The following TMEM132C variants were observed in gnomAD, a reference collection of about 807,000 sequenced individuals.
The protein encoded by TMEM132C is transmembrane protein 132C, also known as protein phosphatase 1, regulatory subunit 152.
In TMEM132C, 29 loss-of-function variants were observed where a neutral mutation model predicts 61.4. The ratio of observed to expected loss-of-function variants is 0.47; its 90% CI spans 0.35 to 0.64. TMEM132C has a LOEUF of 0.64. Ranked by LOEUF, TMEM132C falls within the 30% of genes least tolerant of loss-of-function variation. TMEM132C has a pLI of 0.00. For missense variants in TMEM132C, 1,408 were observed against 1,476.9 expected, an observed-to-expected ratio of 0.95 and a Z score of 0.76; for synonymous variants, 656 against 633.1, an observed-to-expected ratio of 1.04 and a Z score of -0.54.
intron 4 of TMEM132C, among the ~76,000 whole-genome samples, chr12:128,626,355 C>A (rs1954016054): frequency 1.3e-5 from 2 of 151,588 alleles, no homozygotes; most frequent in African/African-American, 2.4e-5. Flanking sequence ...GTCTCGAACT[C>A]CTGACCTCAG....
At position 128,294,388 on chromosome 12, in the gene TMEM132C, G is replaced by T. The variant is rs541030607; in HGVS notation, c.85+26901G>T. 8.1e-4 allele frequency among the ~76,000 whole-genome samples: 123 copies of T among 152,274 alleles called. 1 individual carries two copies. Among genetic ancestry groups the T allele is most frequent in the African/African-American group, 2.8e-3 (117 of 41,548 alleles). On this transcript the variant is annotated intron_variant, in intron 1 of 8. Transcript: ENST00000435159. ...CTTCAGTGACTCACACAGCAAGGTG[G>T]CCCTAACAGGACTCAGGCTTCAGCT...
chr12:128,604,559 A>G (rs1477527277), intron 3 of TMEM132C, among the ~76,000 whole-genome samples: 1 of 151,878 alleles, frequency 6.6e-6, no homozygotes, highest in Non-Finnish European at 1.5e-5. Flanking sequence ...ATAGATGGAT[A>G]GATAGATGAT....
At chr12:128,346,084 G>A (rs1181504745) in intron 1 of TMEM132C, among the ~76,000 whole-genome samples, 1 of 151,914 alleles carries the variant, frequency 6.6e-6, no homozygotes, top group Non-Finnish European at 1.5e-5. Flanking sequence ...TTTGTATAAG[G>A]AACCCTTTCT....
chr12:128,282,748 A>G (rs1462165934), intron 1 of TMEM132C, among the ~76,000 whole-genome samples: 1 of 152,140 alleles, frequency 6.6e-6, no homozygotes, highest in East Asian at 1.9e-4. Flanking sequence ...CTTCCCTTGA[A>G]TTTCATGACT....
At chr12:128,311,329 G>A (rs1371353382) in intron 1 of TMEM132C, among the ~76,000 whole-genome samples, 5 of 152,182 alleles carry the variant, frequency 3.3e-5, no homozygotes, top group Non-Finnish European at 5.9e-5. Context: ...TTCTGTGACC[G>A]TACTCCTGGT....
At chr12:128,406,336 G>A (rs1260122193) in intron 1 of TMEM132C, among the ~76,000 whole-genome samples, 1 of 152,202 alleles carries the variant, frequency 6.6e-6, no homozygotes, top group Non-Finnish European at 1.5e-5. Flanking sequence ...AGTCGTCACT[G>A]AGTCACATGG....
chr12:128,691,538 T>TTCCA (rs902170887), intron 5 of TMEM132C, among the ~76,000 whole-genome samples: 1 of 152,128 alleles, frequency 6.6e-6, no homozygotes, highest in African/African-American at 2.4e-5. Flanking sequence ...CCATCCATCT[T>TTCCA]TCCATCCATC....
intron 2 of TMEM132C, among the ~76,000 whole-genome samples, chr12:128,481,689 C>T (rs1175281355): frequency 6.6e-6 from 1 of 152,208 alleles, no homozygotes; most frequent in African/African-American, 2.4e-5. Context: ...AAGGGAAGCT[C>T]AGAGCCTTAA....
intron 8 of TMEM132C, among the ~76,000 whole-genome samples, chr12:128,704,231 G>A (rs893816146): frequency 3.9e-5 from 6 of 152,126 alleles, no homozygotes; most frequent in Non-Finnish European, 8.8e-5. Context: ...AGTAAAATAA[G>A]CCAGGCACAT....
At chr12:128,619,427 T>G (rs929586994) in intron 4 of TMEM132C, among the ~76,000 whole-genome samples, 1 of 152,226 alleles carries the variant, frequency 6.6e-6, no homozygotes, top group African/African-American at 2.4e-5. Context: ...CAGGGAGACG[T>G]GCTCTCGACT....
chr12:128,380,984 G>A (rs138390091), intron 1 of TMEM132C, among the ~76,000 whole-genome samples: 209 of 152,258 alleles, frequency 1.4e-3, no homozygotes, highest in African/African-American at 4.7e-3. Flanking sequence ...GCACAGTGCC[G>A]CCTTCTTGCA....
At chr12:128,565,471 T>TAG in intron 3 of TMEM132C, among the ~76,000 whole-genome samples, 1 of 152,394 alleles carries the variant, frequency 6.6e-6, no homozygotes, top group Admixed American at 6.5e-5. Context: ...ACAGATGACC[T>TAG]AGAATTGCTT....
chr12:128,321,484 G>A (rs998435496), intron 1 of TMEM132C, among the ~76,000 whole-genome samples: 1 of 152,184 alleles, frequency 6.6e-6, no homozygotes, highest in Admixed American at 6.5e-5. Context: ...GAGATGGAGA[G>A]GGTGGTGGAG....
At chr12:128,688,019 A>G (rs1954690883) in intron 5 of TMEM132C, among the ~76,000 whole-genome samples, 1 of 152,006 alleles carries the variant, frequency 6.6e-6, no homozygotes, top group Admixed American at 6.5e-5. Flanking sequence ...AGACTTGGAA[A>G]GAGACAGCCT....
chr12:128,291,355 C>T (rs1376442202), intron 1 of TMEM132C, among the ~76,000 whole-genome samples: 4 of 152,208 alleles, frequency 2.6e-5, no homozygotes, highest in Admixed American at 2.6e-4. Context: ...CAGCAGCATC[C>T]AGCCTCGCTG....
intron 2 of TMEM132C, among the ~76,000 whole-genome samples, chr12:128,438,568 A>G (rs1480307430): frequency 6.6e-6 from 1 of 152,206 alleles, no homozygotes; most frequent in Non-Finnish European, 1.5e-5. Context: ...GTGTTACAGC[A>G]ACACAAAATG....
intron 8 of TMEM132C, among the ~76,000 whole-genome samples, chr12:128,702,120 G>C (rs1468125509): frequency 6.6e-6 from 1 of 151,964 alleles, no homozygotes; most frequent in African/African-American, 2.4e-5. Flanking sequence ...GGCTGGTCTT[G>C]AACTCCTGAC....
intron 5 of TMEM132C, among the ~76,000 whole-genome samples, chr12:128,693,326 C>G (rs1337750066): frequency 6.6e-6 from 1 of 152,200 alleles, no homozygotes; most frequent in African/African-American, 2.4e-5. Flanking sequence ...GTGAAAACCT[C>G]TGGTGCTCAC....
intron 5 of TMEM132C, among the ~76,000 whole-genome samples, chr12:128,681,738 C>T (rs1256978820): frequency 1.3e-5 from 2 of 150,852 alleles, no homozygotes; most frequent in African/African-American, 4.9e-5. Flanking sequence ...GCTGCAACCT[C>T]CACCTCCCGG....
Sources: gnomAD v4.1 joint callset for allele counts (sites outside exome capture counted in the v4.1 genomes callset) on GRCh38, gnomAD v4.1.1 for gene constraint, MANE v1.5 for transcripts, NCBI Gene and HGNC (gene_info 2026-07-23, HGNC 2026-07-21) for gene names.